Variants in UVRAG observed in about 807,000 individuals in gnomAD.
UVRAG encodes the protein UV radiation resistance associated.
A neutral mutation model predicts 78.0 loss-of-function variants in UVRAG; 19 were observed. The observed-to-expected ratio is 0.24, with a 90% CI of 0.17 to 0.36. The LOEUF (loss-of-function observed/expected upper bound fraction) is 0.36, where lower values mean the gene tolerates loss of function less well. UVRAG is among the 10% of genes least tolerant of loss of function. The pLI is 1.00. For missense variants in UVRAG, 740 were observed against 853.8 expected, an observed-to-expected ratio of 0.87 and a Z score of 1.66; for synonymous variants, 323 against 324.6, an observed-to-expected ratio of 1.00 and a Z score of 0.05.
At chr11:75,997,476 A>G (rs923017898) in intron 8 of UVRAG, among the ~76,000 whole-genome samples, 2 of 152,228 alleles carry the variant, frequency 1.3e-5, no homozygotes, top group African/African-American at 4.8e-5. Context: ...AGAGTAGAAC[A>G]TTGATATATG....
At chr11:76,031,472 GTGT>G (rs1473208846) in intron 12 of UVRAG, among the ~76,000 whole-genome samples, 1 of 152,186 alleles carries the variant, frequency 6.6e-6, no homozygotes, top group Non-Finnish European at 1.5e-5. Flanking sequence ...ATTGTTGTGT[GTGT>G]TGTTTTTAAT....
At chr11:76,084,750 G>A (rs1435282990) in intron 13 of UVRAG, among the ~76,000 whole-genome samples, 1 of 152,048 alleles carries the variant, frequency 6.6e-6, no homozygotes, top group Non-Finnish European at 1.5e-5. Context: ...GTGACAAATA[G>A]TTCACATGTG....
intron 14 of UVRAG, among the ~76,000 whole-genome samples, chr11:76,129,231 A>T (rs1258384810): frequency 6.6e-6 from 1 of 152,228 alleles, no homozygotes; most frequent in Non-Finnish European, 1.5e-5. Flanking sequence ...TAACCATTAC[A>T]TGGACAACCT....
intron 5 of UVRAG, among the ~76,000 whole-genome samples, chr11:75,897,678 C>T (rs1188629928): frequency 2.6e-5 from 4 of 151,770 alleles, no homozygotes; most frequent in Non-Finnish European, 5.9e-5. Flanking sequence ...CATCCGCCAC[C>T]ACACCCAGCT....
intron 6 of UVRAG, among the ~76,000 whole-genome samples, chr11:75,919,063 T>G (rs1191844561): frequency 2.0e-5 from 3 of 152,186 alleles, no homozygotes; most frequent in Admixed American, 2.0e-4. Flanking sequence ...GAAAGTACTG[T>G]CAACTATAAA....
intron 4 of UVRAG, among the ~76,000 whole-genome samples, chr11:75,883,603 C>G (rs1052751762): frequency 1.5e-4 from 23 of 152,130 alleles, no homozygotes; most frequent in African/African-American, 5.6e-4. Context: ...CATATACTTT[C>G]TACCAGGCAT....
chr11:75,949,428 T>C (rs1385589743), intron 6 of UVRAG, among the ~76,000 whole-genome samples: 1 of 152,080 alleles, frequency 6.6e-6, no homozygotes, highest in East Asian at 1.9e-4. Flanking sequence ...TAACCATCTG[T>C]GTGCTAATGA....
intron 12 of UVRAG, among the ~76,000 whole-genome samples, chr11:76,045,013 C>T (rs1403192532): frequency 1.3e-5 from 2 of 152,086 alleles, no homozygotes; most frequent in Non-Finnish European, 2.9e-5. Flanking sequence ...GAATTGGAGG[C>T]CAGGAGTCTT....
intron 14 of UVRAG, among the ~76,000 whole-genome samples, chr11:76,117,025 A>T (rs1237210060): frequency 6.6e-6 from 1 of 152,214 alleles, no homozygotes; most frequent in Non-Finnish European, 1.5e-5. Flanking sequence ...ATGGACCCGG[A>T]TGCCTTCAGG....
chr11:76,000,686 G>A (rs553562207), intron 8 of UVRAG, among the ~76,000 whole-genome samples: 3 of 152,138 alleles, frequency 2.0e-5, no homozygotes, highest in Admixed American at 2.0e-4. Context: ...GATGTACCAT[G>A]CAAATAACAG....
At chr11:75,953,930 A>G (rs1033641443) in intron 6 of UVRAG, among the ~76,000 whole-genome samples, 23 of 152,164 alleles carry the variant, frequency 1.5e-4, no homozygotes, top group Non-Finnish European at 1.0e-4. Context: ...CATGATATAT[A>G]TTTCTTTCTT....
At chr11:75,955,622 A>G (rs1052017179) in intron 6 of UVRAG, among the ~76,000 whole-genome samples, 7 of 152,194 alleles carry the variant, frequency 4.6e-5, no homozygotes, top group African/African-American at 1.7e-4. Flanking sequence ...CATCAAAGCC[A>G]GGTGCAGTGG....
chr11:75,995,127 GTTATTA>G (rs1358057027), intron 8 of UVRAG, among the ~76,000 whole-genome samples: 1 of 149,854 alleles, frequency 6.7e-6, no homozygotes, highest in Non-Finnish European at 1.5e-5. Flanking sequence ...CTTTATTATT[GTTATTA>G]TTATAAGTTT....
chr11:76,112,726 TTTTC>T (rs200141435), intron 13 of UVRAG, among the ~76,000 whole-genome samples: 124 of 139,680 alleles, frequency 8.9e-4, no homozygotes, highest in African/African-American at 4.0e-3. Flanking sequence ...TTCTTTTTTC[TTTTC>T]TTTTTTTTTT....
At chr11:76,011,319 T>C (rs1438566777) in intron 11 of UVRAG, among the ~76,000 whole-genome samples, 1 of 152,218 alleles carries the variant, frequency 6.6e-6, no homozygotes, top group African/African-American at 2.4e-5. Flanking sequence ...TGCAGTAATA[T>C]TGGACTTTAA....
intron 1 of UVRAG, among the ~76,000 whole-genome samples, chr11:75,831,413 G>A (rs184304496): frequency 9.3e-4 from 142 of 152,184 alleles, no homozygotes; most frequent in Non-Finnish European, 1.7e-3. Context: ...ACTTGAACCC[G>A]GGAGGCGGAG....
intron 7 of UVRAG, among the ~76,000 whole-genome samples, chr11:75,969,993 C>G (rs555757919): frequency 9.9e-5 from 15 of 152,024 alleles, no homozygotes; most frequent in African/African-American, 3.6e-4. Context: ...TACTTTATAC[C>G]TTAGGAAGGA....
At chr11:75,818,408 G>C (rs542498394) in intron 1 of UVRAG, among the ~76,000 whole-genome samples, 1 of 150,700 alleles carries the variant, frequency 6.6e-6, no homozygotes, top group African/African-American at 2.4e-5. Flanking sequence ...AATGTCAGTT[G>C]TTAACTTTCC....
chr11:75,855,112 A>G lies in UVRAG; in HGVS notation c.235+3112A>G, dbSNP rs528456970. ...AGAATAGTCATGGGGCTGGTTGAAG[A>G]TCATGTTAAAAAACTTGTCTAGAGA... is the stretch of plus-strand genomic sequence containing the variant. On this transcript the variant is annotated intron_variant, in intron 2 of 14. Coordinates refer to ENST00000356136, the MANE Select transcript of UVRAG (RefSeq NM_003369.4). 2.0e-5 allele frequency among the ~76,000 whole-genome samples: 3 copies of G among 152,364 alleles called. No individual in the cohort carries two copies. The East Asian group carries it at 5.8e-4, about 29-fold the overall frequency.
Sources: allele counts gnomAD v4.1 joint callset (sites outside exome capture counted in the v4.1 genomes callset), GRCh38; gene constraint gnomAD v4.1.1; transcripts MANE v1.5; gene names NCBI Gene and HGNC (gene_info 2026-07-23, HGNC 2026-07-21).